Variants in CORO2A observed in about 807,000 individuals in gnomAD.
CORO2A encodes coronin-2A.
A neutral mutation model predicts 62.4 loss-of-function variants in CORO2A; 47 were observed. That is an observed-to-expected ratio of 0.75 (90% CI 0.60 to 0.96). The LOEUF is 0.96. Among genes scored for constraint, CORO2A ranks in the 40% least tolerant of loss-of-function variants. CORO2A has a pLI of 0.00. For missense variants in CORO2A, 610 were observed against 684.1 expected (o/e 0.89, Z 1.21); for synonymous variants, 273 against 268.9 (o/e 1.02, Z -0.15).
At position 98,124,318 on chromosome 9, in the gene CORO2A, T is replaced by A. The variant is rs1192806937; in HGVS notation, c.*456A>T. 2 of 152,300 alleles carry A rather than the reference T, an allele frequency of 1.3e-5. No individual in the cohort carries two copies. The highest frequency in any genetic ancestry group is 4.8e-5 in the African/African-American group (2 of 41,308). The allele number at this position is 152,300 out of a possible 1,614,324, so 9.4% of individuals were successfully genotyped here. A position where few individuals can be genotyped will look rare whatever the true frequency, so the allele number is the denominator to read the frequency against. Reference sequence around the variant, plus strand: ...CGTGAGCCACTGCGCCTGGTGAGACTGGTTTCAAACTCCCGACCTCAAGCA... The same window carrying A: ...CGTGAGCCACTGCGCCTGGTGAGACAGGTTTCAAACTCCCGACCTCAAGCA... On this transcript the variant is annotated 3_prime_UTR_variant, in exon 12 of 12. Coordinates refer to ENST00000375077, the MANE Select transcript of CORO2A (RefSeq NM_052820.4).
rs1167976489 is a variant in CORO2A, at chr9:98,123,448, GA to G, written c.*1325del. The G allele has an allele frequency of 6.6e-6, 1 of 151,760 alleles. No homozygotes were observed. The highest frequency in any genetic ancestry group is 1.5e-5 in the Non-Finnish European group (1 of 68,008). The allele number at this position is 151,760 out of a possible 1,614,324, so 9.4% of individuals were successfully genotyped here. ...CTGTCTGGTTGGAATACAGTGTGGG[GA>G]AGGGAGACACAGCCTTCCTGCTTAG... is the stretch of plus-strand genomic sequence containing the variant. On this transcript the variant is annotated 3_prime_UTR_variant, in exon 12 of 12. Coordinates refer to ENST00000375077, the MANE Select transcript of CORO2A (RefSeq NM_052820.4).
intron 2 of CORO2A, among the ~76,000 whole-genome samples, chr9:98,147,449 G>A (rs148088798): frequency 6.6e-6 from 1 of 152,316 alleles, no homozygotes; most frequent in African/African-American, 2.4e-5. Flanking sequence ...AATCTGGGCT[G>A]AGGAAAGTTC....
chr9:98,164,831 T>A (rs1385151021), intron 1 of CORO2A, among the ~76,000 whole-genome samples: 1 of 152,194 alleles, frequency 6.6e-6, no homozygotes, highest in East Asian at 1.9e-4. Context: ...CAACTAACTG[T>A]CTTGGTTTGC....
chr9:98,168,213 A>G (rs566612648), intron 1 of CORO2A, among the ~76,000 whole-genome samples: 6 of 152,370 alleles, frequency 3.9e-5, no homozygotes, highest in Middle Eastern at 3.4e-3. Context: ...AGATGAAACC[A>G]TACAAGCAAC....
Position 98,128,263 on chromosome 9 carries a change from G to T in CORO2A, c.1081-3C>A, listed in dbSNP as rs755199037. 6 of 1,610,002 alleles carry T rather than the reference G, an allele frequency of 3.7e-6. No homozygotes were observed. Among genetic ancestry groups the T allele is most frequent in the African/African-American group, 1.3e-5 (1 of 74,800 alleles). The stretch of plus-strand genomic sequence containing the variant: ...ATGTCCTCTTGGTAGGATTCTGACT[G>T]CAGGAGAAATCCAGACAGTGAGGAG... On this transcript the variant is annotated splice_polypyrimidine_tract_variant and splice_region_variant and intron_variant, in intron 9 of 11. Coordinates refer to ENST00000375077, the MANE Select transcript of CORO2A (RefSeq NM_052820.4).
chr9:98,156,969 T>C (rs890262231), intron 2 of CORO2A, among the ~76,000 whole-genome samples: 1 of 152,322 alleles, frequency 6.6e-6, no homozygotes, highest in South Asian at 2.1e-4. Context: ...TGTTGCTTTT[T>C]TGGGGTCAAA....
chr9:98,138,256 A>C (rs1018322617), intron 2 of CORO2A, among the ~76,000 whole-genome samples: 5 of 152,070 alleles, frequency 3.3e-5, no homozygotes, highest in Non-Finnish European at 1.5e-5. Flanking sequence ...CTCTACTAAA[A>C]ATACAAAAAT....
intron 2 of CORO2A, among the ~76,000 whole-genome samples, chr9:98,152,528 C>T (rs1027108905): frequency 1.3e-5 from 2 of 152,264 alleles, no homozygotes; most frequent in African/African-American, 4.8e-5. Context: ...AAGAGATCCA[C>T]CCATCTTGGC....
intron 1 of CORO2A, among the ~76,000 whole-genome samples, chr9:98,174,522 G>C (rs959675072): frequency 2.0e-5 from 3 of 152,196 alleles, no homozygotes; most frequent in Non-Finnish European, 2.9e-5. Context: ...ATATGGTTTG[G>C]CTCTGTGTCC....
intron 2 of CORO2A, among the ~76,000 whole-genome samples, chr9:98,153,574 C>T (rs1325214358): frequency 6.6e-6 from 1 of 150,574 alleles, no homozygotes; most frequent in Non-Finnish European, 1.5e-5. Context: ...GCCCAGCTAA[C>T]TAAAAAGCAA....
chr9:98,161,263 G>A (rs1827881773), intron 1 of CORO2A, among the ~76,000 whole-genome samples: 1 of 152,086 alleles, frequency 6.6e-6, no homozygotes, highest in Non-Finnish European at 1.5e-5. Flanking sequence ...GAAATTAAAG[G>A]AGGGGAGAAG....
chr9:98,187,034 C>T (rs1828247421), intron 1 of CORO2A, among the ~76,000 whole-genome samples: 1 of 152,116 alleles, frequency 6.6e-6, no homozygotes, highest in Admixed American at 6.5e-5. Context: ...AATCCCAGCA[C>T]TTTGGGAGGC....
At position 98,141,282 on chromosome 9, in the gene CORO2A, GA is replaced by G. The variant is rs1827562558; in HGVS notation, c.202-3595del. Among the ~76,000 whole-genome samples the G allele has an allele frequency of 9.2e-5, 14 of 151,802 alleles. No homozygotes were observed. The South Asian group carries it at 2.9e-3, about 32-fold the overall frequency. ...CCCTGTCCTGGCAGGGCGGTACCTG[GA>G]GCTAGGGTCTTAGAAGGACACTGCA... is the stretch of plus-strand genomic sequence containing the variant. On this transcript the variant is annotated intron_variant, in intron 2 of 11. Transcript: ENST00000375077.
At chr9:98,158,653 T>A (rs1827839203) in intron 1 of CORO2A, among the ~76,000 whole-genome samples, 1 of 151,996 alleles carries the variant, frequency 6.6e-6, no homozygotes, top group African/African-American at 2.4e-5. Flanking sequence ...GATTCGCACA[T>A]GACAGTCAGG....
intron 1 of CORO2A, among the ~76,000 whole-genome samples, chr9:98,187,426 T>C (rs1828253472): frequency 6.9e-6 from 1 of 145,888 alleles, no homozygotes; most frequent in Admixed American, 7.0e-5. Flanking sequence ...ACCACTGCAC[T>C]CCAGCCTAGG....
At chr9:98,163,666 C>A (rs1314083108) in intron 1 of CORO2A, among the ~76,000 whole-genome samples, 1 of 151,780 alleles carries the variant, frequency 6.6e-6, no homozygotes, top group African/African-American at 2.4e-5. Context: ...TTGAGAGACC[C>A]CTCTTCCTGC....
rs148488963 is a variant in CORO2A, at chr9:98,157,639, G to A, written c.22C>T (p.Arg8Trp). MSWHPQYRSSKFRHVFGK... is the reference protein window; with the variant it reads MSWHPQYWSSKFRHVFGK... ...AAGACATGACGGAACTTGGAGCTCC[G>A]GTACTGGGGGTGCCATGACATCTGC... Residue 8 changes from arginine to tryptophan, a missense_variant, in exon 2 of 12, where the codon CGG becomes TGG. Physicochemically the swap from Arg to Trp is moderately radical, Grantham distance 101. Coordinates refer to ENST00000375077, the MANE Select transcript of CORO2A (RefSeq NM_052820.4). 3.4e-5 allele frequency: 55 copies of A among 1,613,536 alleles called. No homozygotes were observed. The highest frequency in any genetic ancestry group is 1.3e-4 in the East Asian group (6 of 44,874).
intron 1 of CORO2A, among the ~76,000 whole-genome samples, chr9:98,177,989 T>A (rs1249257170): frequency 6.6e-6 from 1 of 152,220 alleles, no homozygotes; most frequent in Non-Finnish European, 1.5e-5. Flanking sequence ...ATGAAGTGAC[T>A]GCAATAGAAA....
chr9:98,153,649 A>ACACACAC (rs1554744889), intron 2 of CORO2A, among the ~76,000 whole-genome samples: 1 of 133,892 alleles, frequency 7.5e-6, no homozygotes, highest in Non-Finnish European at 1.6e-5. Flanking sequence ...TCTGTTTCCA[A>ACACACAC]ACACACACAC....
Sources: allele counts gnomAD v4.1 joint callset (sites outside exome capture counted in the v4.1 genomes callset), GRCh38; gene constraint gnomAD v4.1.1; transcripts MANE v1.5; gene names NCBI Gene and HGNC (gene_info 2026-07-23, HGNC 2026-07-21).